The following CTNNA2 variants were observed in gnomAD, a reference collection of about 807,000 sequenced individuals.
CTNNA2 encodes the protein catenin alpha-2.
Under a neutral mutation model 101.0 loss-of-function variants are expected in CTNNA2, and 42 were observed. That is an observed-to-expected ratio of 0.42 (90% confidence interval 0.32 to 0.54). The LOEUF (loss-of-function observed/expected upper bound fraction) is 0.54. CTNNA2 is among the 20% of genes least tolerant of loss of function. The pLI is 0.14. For missense variants in CTNNA2, 871 were observed against 1,223.1 expected (o/e 0.71, Z 4.29); for synonymous variants, 450 against 456.4 (o/e 0.99, Z 0.18).
intron 9 of CTNNA2, among the ~76,000 whole-genome samples, chr2:80,533,510 C>T (rs772775845): frequency 1.3e-5 from 2 of 152,080 alleles, no homozygotes; most frequent in Non-Finnish European, 2.9e-5. Flanking sequence ...TGTAGGAGAC[C>T]AGGTTTTAGA....
chr2:80,196,319 T>C (rs1706830108), intron 7 of CTNNA2, among the ~76,000 whole-genome samples: 1 of 152,182 alleles, frequency 6.6e-6, no homozygotes, highest in South Asian at 2.1e-4. Flanking sequence ...TTATAGGATA[T>C]TAAATGCATT....
chr2:79,578,057 G>A (rs1675907292), intron 1 of CTNNA2, among the ~76,000 whole-genome samples: 1 of 152,084 alleles, frequency 6.6e-6, no homozygotes, highest in African/African-American at 2.4e-5. Flanking sequence ...ATTCTTATGT[G>A]GAATAGTGGG....
intron 1 of CTNNA2, among the ~76,000 whole-genome samples, chr2:79,542,331 A>G (rs902587003): frequency 1.3e-5 from 2 of 152,212 alleles, no homozygotes; most frequent in African/African-American, 4.8e-5. Context: ...TAAAAGATTT[A>G]TCCTAAAATA....
intron 7 of CTNNA2, among the ~76,000 whole-genome samples, chr2:80,203,575 A>T (rs187872118): frequency 1.0e-3 from 152 of 152,304 alleles, no homozygotes; most frequent in African/African-American, 3.6e-3. Flanking sequence ...GTAGGTTCCT[A>T]TAGTCTTTGG....
intron 2 of CTNNA2, among the ~76,000 whole-genome samples, chr2:79,284,544 T>A (rs1675501152): frequency 6.6e-6 from 1 of 151,750 alleles, no homozygotes; most frequent in Non-Finnish European, 1.5e-5. Flanking sequence ...TCGGCTCTGT[T>A]TATATGCTGG....
At chr2:79,307,674 T>C (rs1023384212) in intron 2 of CTNNA2, among the ~76,000 whole-genome samples, 8 of 152,308 alleles carry the variant, frequency 5.3e-5, no homozygotes, top group Middle Eastern at 3.4e-3. Context: ...TAGGCTGCAA[T>C]AAGCATGGGG....
intron 7 of CTNNA2, among the ~76,000 whole-genome samples, chr2:80,144,636 T>C (rs554068521): frequency 6.6e-6 from 1 of 152,184 alleles, no homozygotes; most frequent in Non-Finnish European, 1.5e-5. Flanking sequence ...TGGTGTCCAT[T>C]GTTATTTTTC....
chr2:79,313,906 G>A (rs1676437872), intron 3 of CTNNA2, among the ~76,000 whole-genome samples: 2 of 152,128 alleles, frequency 1.3e-5, no homozygotes, highest in South Asian at 4.1e-4. Context: ...ACCGCAGGGA[G>A]ATGGGCAAGA....
intron 3 of CTNNA2, among the ~76,000 whole-genome samples, chr2:79,760,293 G>C (rs1046842976): frequency 7.3e-6 from 1 of 137,380 alleles, no homozygotes; most frequent in African/African-American, 3.1e-5. Context: ...TAAAATGTGT[G>C]TGTGTGTGTG....
intron 4 of CTNNA2, among the ~76,000 whole-genome samples, chr2:79,479,769 A>C (rs946022115): frequency 4.6e-5 from 7 of 152,038 alleles, no homozygotes; most frequent in Non-Finnish European, 1.0e-4. Flanking sequence ...CTAAAAATGA[A>C]AAAATTAGCT....
intron 9 of CTNNA2, among the ~76,000 whole-genome samples, chr2:80,444,089 T>C (rs546574869): frequency 6.6e-6 from 1 of 152,336 alleles, no homozygotes; most frequent in South Asian, 2.1e-4. Flanking sequence ...TACTCTCCCA[T>C]AGCCTCTCTG....
At chr2:79,682,767 A>G (rs909488744) in intron 2 of CTNNA2, among the ~76,000 whole-genome samples, 10 of 152,136 alleles carry the variant, frequency 6.6e-5, no homozygotes, top group African/African-American at 1.9e-4. Context: ...ATAGATACAT[A>G]TATGTGCTTT....
chr2:79,556,459 G>A (rs1674451965), intron 1 of CTNNA2, among the ~76,000 whole-genome samples: 1 of 152,038 alleles, frequency 6.6e-6, no homozygotes, highest in Non-Finnish European at 1.5e-5. Context: ...GGAAGATGTA[G>A]CTGCCTTTTT....
At chr2:79,290,797 G>A (rs895145445) in intron 2 of CTNNA2, among the ~76,000 whole-genome samples, 2 of 152,080 alleles carry the variant, frequency 1.3e-5, no homozygotes, top group African/African-American at 4.8e-5. Flanking sequence ...ATAAAACCTT[G>A]CACTTATTCT....
chr2:80,622,784 T>C (rs762193506), intron 18 of CTNNA2, among the ~76,000 whole-genome samples: 23 of 151,796 alleles, frequency 1.5e-4, no homozygotes, highest in Admixed American at 1.4e-3. Context: ...ACCTTGGCCA[T>C]TCTAAAAGAC....
chr2:79,381,752 G>A (rs1050927114), intron 4 of CTNNA2, among the ~76,000 whole-genome samples: 7 of 152,266 alleles, frequency 4.6e-5, no homozygotes, highest in South Asian at 2.1e-4. Flanking sequence ...GCTCTCTGAG[G>A]CATAATAGAT....
At chr2:80,179,362 C>A (rs1212845204) in intron 7 of CTNNA2, among the ~76,000 whole-genome samples, 1 of 152,056 alleles carries the variant, frequency 6.6e-6, no homozygotes, top group Non-Finnish European at 1.5e-5. Flanking sequence ...CCATGTCTTT[C>A]AAGTTTTTTT....
At chr2:79,483,162 T>C (rs922923651) in intron 4 of CTNNA2, among the ~76,000 whole-genome samples, 2 of 152,200 alleles carry the variant, frequency 1.3e-5, no homozygotes, top group African/African-American at 4.8e-5. Flanking sequence ...ACTTGGAACA[T>C]CACCAGTTGA....
intron 7 of CTNNA2, among the ~76,000 whole-genome samples, chr2:80,097,944 G>T (rs890275535): frequency 6.6e-6 from 1 of 151,878 alleles, no homozygotes; most frequent in African/African-American, 2.4e-5. Flanking sequence ...CTTTGCCATT[G>T]GTTCGAACTT....
Sources: allele counts gnomAD v4.1 joint callset (sites outside exome capture counted in the v4.1 genomes callset), GRCh38; gene constraint gnomAD v4.1.1; transcripts MANE v1.5; gene names NCBI Gene and HGNC (gene_info 2026-07-23, HGNC 2026-07-21).